PHTF1: variants seen among roughly 807,000 people sequenced by gnomAD.
The protein encoded by PHTF1 is protein PHTF1.
A neutral mutation model predicts 102.4 loss-of-function variants in PHTF1; 88 were observed. The ratio of observed to expected loss-of-function variants is 0.86; its 90% CI spans 0.72 to 1.03. The LOEUF (loss-of-function observed/expected upper bound fraction) is 1.03, where lower values mean the gene tolerates loss of function less well. Ranked by LOEUF, PHTF1 falls within the 50% of genes least tolerant of loss-of-function variation. The pLI is 0.00. For synonymous variants in PHTF1, 289 were observed against 305.2 expected, an observed-to-expected ratio of 0.95 and a Z score of 0.55; for missense variants, 814 against 909.5, an observed-to-expected ratio of 0.89 and a Z score of 1.35.
intron 9 of PHTF1, 41 bp from the exon 10 acceptor site, chr1:113,711,876 A>C: frequency 6.2e-7 from 1 of 1,602,364 alleles, no homozygotes; most frequent in Non-Finnish European, 8.6e-7. Context: ...AAAATATGTT[A>C]AATGCTTTGT....
intron 1 of PHTF1, 69 bp from the exon 2 acceptor site, chr1:113,758,802 G>C: frequency 6.6e-7 from 1 of 1,508,056 alleles, no homozygotes. Flanking sequence ...TGGGTAGGAC[G>C]CGAAAACCGC....
At chr1:113,712,569 T>C (rs1220413687) in intron 8 of PHTF1, among the ~76,000 whole-genome samples, 2 of 152,212 alleles carry the variant, frequency 1.3e-5, no homozygotes. Context: ...TTAGACTAAA[T>C]GCCACAATCT....
At chr1:113,703,830 A>T in intron 15 of PHTF1, 1 of 428,072 alleles carries the variant, frequency 2.3e-6, no homozygotes. Flanking sequence ...TTATTTTGCA[A>T]CCATATGATA....
intron 2 of PHTF1, among the ~76,000 whole-genome samples, chr1:113,758,127 T>A (rs1659154125): frequency 6.7e-6 from 1 of 150,222 alleles, no homozygotes. Flanking sequence ...TGGGCGCCTG[T>A]GATCCCAGCT....
In PHTF1 at chr1:113,714,810, G is replaced by A. The variant is rs554894631; in HGVS notation, c.624-1372C>T. ...TAGACAGGCAAGTGGTCACCATGTG[G>A]ACCTTGGGCAAGACCCAGTGCTGTG... On this transcript the variant is annotated intron_variant, in intron 7 of 18. Coordinates refer to ENST00000369604, the MANE Select transcript of PHTF1 (RefSeq NM_001323043.2). The A allele has an allele frequency of 2.0e-5, 3 of 152,466 alleles. No individual in the cohort carries two copies. In the East Asian group the frequency reaches 5.8e-4, roughly 29 times the overall value. The allele number at this position is 152,466 out of a possible 1,614,324, so 9.4% of individuals were successfully genotyped here. A position where few individuals can be genotyped will look rare whatever the true frequency, so the allele number is the denominator to read the frequency against.
At chr1:113,748,088 TCA>T (rs1491368838) in intron 3 of PHTF1, among the ~76,000 whole-genome samples, 1 of 152,102 alleles carries the variant, frequency 6.6e-6, no homozygotes, top group African/African-American at 2.4e-5. Context: ...AAGGACCCTT[TCA>T]CCTCAGCCGT....
At chr1:113,736,944 A>G (rs553383691) in intron 5 of PHTF1, among the ~76,000 whole-genome samples, 1 of 152,350 alleles carries the variant, frequency 6.6e-6, no homozygotes, top group South Asian at 2.1e-4. Flanking sequence ...CAGGGTTTTA[A>G]GCAGGAAAAT....
intron 3 of PHTF1, among the ~76,000 whole-genome samples, chr1:113,756,519 G>C (rs1658901334): frequency 6.6e-6 from 1 of 152,184 alleles, no homozygotes; most frequent in Non-Finnish European, 1.5e-5. Context: ...GCAAGGAAGT[G>C]AGGCCCTGAA....
chr1:113,748,896 T>C (rs1231488467), intron 3 of PHTF1, among the ~76,000 whole-genome samples: 1 of 152,208 alleles, frequency 6.6e-6, no homozygotes, highest in Non-Finnish European at 1.5e-5. Context: ...TATAGTCTAT[T>C]TTTTAAGCAT....
intron 3 of PHTF1, among the ~76,000 whole-genome samples, chr1:113,747,415 T>C (rs1053208780): frequency 6.6e-6 from 1 of 152,210 alleles, no homozygotes; most frequent in Admixed American, 6.5e-5. Flanking sequence ...CAGTTTAGTT[T>C]TCCCCCTTCA....
At chr1:113,751,868 T>C (rs966879104) in intron 3 of PHTF1, among the ~76,000 whole-genome samples, 1 of 152,216 alleles carries the variant, frequency 6.6e-6, no homozygotes, top group African/African-American at 2.4e-5. Context: ...AGTTCCTCCA[T>C]CACCTTGCCA....
chr1:113,745,939 TC>T (rs1557967540), intron 3 of PHTF1, among the ~76,000 whole-genome samples: 1 of 152,156 alleles, frequency 6.6e-6, no homozygotes, highest in Middle Eastern at 3.4e-3. Context: ...TGTAAAACCA[TC>T]CCCCCACACC....
In PHTF1 at chr1:113,755,272, T is replaced by A. The variant is rs116717456; in HGVS notation, c.102+2427A>T. Among the ~76,000 whole-genome samples the A allele has an allele frequency of 7.6e-3, 1,162 of 152,318 alleles. 12 individuals carry two copies. Among genetic ancestry groups the A allele is most frequent in the African/African-American group, 0.026 (1,086 of 41,572 alleles). On this transcript the variant is annotated intron_variant, in intron 3 of 18. Coordinates refer to ENST00000369604, the MANE Select transcript of PHTF1 (RefSeq NM_001323043.2). ...ATTAATTTTTTTGTATGCTATACTT[T>A]GGTCATTTTTTAAGACTTAAGCATA... is the stretch of plus-strand genomic sequence containing the variant.
chr1:113,700,650 A>G, intron 16 of PHTF1, 144 bp downstream of exon 16: 1 of 642,720 alleles, frequency 1.6e-6, no homozygotes, highest in Non-Finnish European at 2.6e-6. Flanking sequence ...ATAAGCAACT[A>G]CAGAGCAGCA....
At chr1:113,699,440 G>T in intron 17 of PHTF1, 1 of 605,498 alleles carries the variant, frequency 1.7e-6, no homozygotes, top group South Asian at 1.5e-5. Context: ...CTCCTCCAGG[G>T]ACTTGATCTT....
rs1019866473 is a variant in PHTF1, at chr1:113,704,651, T to C, written c.1803+15A>G. 1 of 1,561,128 alleles carries C rather than the reference T, an allele frequency of 6.4e-7. No individual in the cohort carries two copies. The highest frequency in any genetic ancestry group is 1.4e-5 in the African/African-American group (1 of 72,836). On this transcript the variant is annotated intron_variant, in intron 14 of 18. Coordinates refer to ENST00000369604, the MANE Select transcript of PHTF1 (RefSeq NM_001323043.2). ...ATTCTTGCACATACTCTATTGTTAA[T>C]CAAATAAAACTCACCTTTAGATAGG...
At chr1:113,717,169 T>C (rs556555631) in intron 7 of PHTF1, among the ~76,000 whole-genome samples, 4 of 151,990 alleles carry the variant, frequency 2.6e-5, no homozygotes, top group Non-Finnish European at 5.9e-5. Context: ...AAATAGGTTA[T>C]AAAATATTAT....
intron 2 of PHTF1, 67 bp downstream of exon 2, chr1:113,758,592 T>C (rs1659241893): frequency 1.1e-6 from 1 of 910,866 alleles, no homozygotes; most frequent in South Asian, 1.8e-5. Flanking sequence ...AGTAACATTA[T>C]ATTATTTGTG....
intron 5 of PHTF1, among the ~76,000 whole-genome samples, chr1:113,733,060 A>ATTTTTTTTTT (rs386368123): frequency 4.0e-4 from 34 of 84,168 alleles, no homozygotes; most frequent in African/African-American, 4.6e-4. Context: ...CGCCTGGCTA[A>ATTTTTTTTTT]TTTTTTTTTT....
Sources: gnomAD v4.1 joint callset for allele counts (sites outside exome capture counted in the v4.1 genomes callset) on GRCh38, gnomAD v4.1.1 for gene constraint, MANE v1.5 for transcripts, NCBI Gene and HGNC (gene_info 2026-07-23, HGNC 2026-07-21) for gene names.